FOXP1: variants seen among roughly 807,000 people sequenced by gnomAD.
FOXP1 encodes forkhead box P1, also known as forkhead box protein P1.
FOXP1 carries 15 observed loss-of-function variants against 98.2 expected under a neutral mutation model. That is an observed-to-expected ratio of 0.15 (90% CI 0.10 to 0.24). The LOEUF is 0.24. Among genes scored for constraint, FOXP1 ranks in the 10% least tolerant of loss-of-function variants. The pLI, the probability that FOXP1 is intolerant of heterozygous loss-of-function variation, is 1.00. For missense variants in FOXP1, 633 were observed against 848.5 expected (o/e 0.75, Z 3.15); for synonymous variants, 371 against 314.5 (o/e 1.18, Z -1.90).
At chr3:71,581,955 A>C in intron 1 of FOXP1, 2 of 942,620 alleles carry the variant, frequency 2.1e-6, no homozygotes, top group Non-Finnish European at 2.5e-6. Context: ...TGCAACAACA[A>C]AAAGGAGGGG....
intron 3 of FOXP1, among the ~76,000 whole-genome samples, chr3:71,392,537 T>A (rs1403387686): frequency 6.6e-6 from 1 of 152,236 alleles, no homozygotes; most frequent in African/African-American, 2.4e-5. Flanking sequence ...AATGCTAACT[T>A]GCATATTTCT....
intron 14 of FOXP1, among the ~76,000 whole-genome samples, chr3:70,984,303 G>C (rs887949547): frequency 1.3e-5 from 2 of 152,124 alleles, no homozygotes; most frequent in Non-Finnish European, 2.9e-5. Context: ...GGACCGATCT[G>C]GGCACCCACT....
intron 20 of FOXP1, among the ~76,000 whole-genome samples, chr3:70,961,046 G>A (rs751733823): frequency 1.5e-4 from 22 of 151,530 alleles, no homozygotes; most frequent in Non-Finnish European, 2.2e-4. Context: ...AGGTTTCACC[G>A]TGGTCTCGAT....
intron 13 of FOXP1, among the ~76,000 whole-genome samples, chr3:70,990,998 C>T (rs535647950): frequency 6.6e-6 from 1 of 151,698 alleles, no homozygotes; most frequent in Non-Finnish European, 1.5e-5. Flanking sequence ...AGGTCTTGCA[C>T]ATAACAAGCT....
chr3:71,223,618 C>T (rs956215127), intron 5 of FOXP1, among the ~76,000 whole-genome samples: 8 of 151,534 alleles, frequency 5.3e-5, no homozygotes, highest in Admixed American at 3.9e-4. Flanking sequence ...TGGCCTGAAC[C>T]CAGGAGACGG....
chr3:71,277,465 G>A (rs186040117), intron 5 of FOXP1, among the ~76,000 whole-genome samples: 5 of 151,856 alleles, frequency 3.3e-5, no homozygotes, highest in Admixed American at 3.3e-4. Context: ...TGCATCGCTG[G>A]ACAGTTTTAA....
At chr3:71,515,404 G>T (rs992097351) in intron 2 of FOXP1, among the ~76,000 whole-genome samples, 1 of 116,644 alleles carries the variant, frequency 8.6e-6, no homozygotes. Flanking sequence ...AATGGTATAC[G>T]CATTTCCCTT....
chr3:71,066,908 G>C (rs2052587073), intron 7 of FOXP1, among the ~76,000 whole-genome samples: 1 of 152,148 alleles, frequency 6.6e-6, no homozygotes, highest in South Asian at 2.1e-4. Context: ...CATTACAGAC[G>C]CTCATGACCC....
chr3:71,330,395 G>A (rs11712688), intron 4 of FOXP1, among the ~76,000 whole-genome samples: 59,383 of 151,968 alleles, frequency 0.39, 14,062 homozygotes, highest in East Asian at 0.89. Context: ...TAATTAAAGC[G>A]TCATGTCAGA....
chr3:71,434,785 CA>C (rs1185475616), intron 3 of FOXP1, among the ~76,000 whole-genome samples: 1 of 151,908 alleles, frequency 6.6e-6, no homozygotes, highest in African/African-American at 2.4e-5. Context: ...GGCCAAATGT[CA>C]ACAGTTATTA....
chr3:71,415,383 G>C (rs2083132540), intron 3 of FOXP1, among the ~76,000 whole-genome samples: 1 of 152,124 alleles, frequency 6.6e-6, no homozygotes, highest in Admixed American at 6.5e-5. Flanking sequence ...AACAAAATAT[G>C]TTTTAAGAAA....
At chr3:71,342,490 C>T (rs1296247777) in intron 4 of FOXP1, among the ~76,000 whole-genome samples, 2 of 152,026 alleles carry the variant, frequency 1.3e-5, no homozygotes, top group Non-Finnish European at 2.9e-5. Flanking sequence ...ATCAGGAGTT[C>T]GAGACCAGCC....
intron 6 of FOXP1, among the ~76,000 whole-genome samples, chr3:71,172,828 T>C (rs1296499264): frequency 6.6e-6 from 1 of 152,200 alleles, no homozygotes; most frequent in Non-Finnish European, 1.5e-5. Context: ...GCCCACTGAT[T>C]TGTGAGGTAC....
At chr3:70,989,494 T>C (rs1411911944) in intron 13 of FOXP1, among the ~76,000 whole-genome samples, 1 of 152,184 alleles carries the variant, frequency 6.6e-6, no homozygotes, top group East Asian at 1.9e-4. Context: ...TAAAAGATTC[T>C]CTGAACACAT....
At chr3:71,253,040 C>A (rs2068334505) in intron 5 of FOXP1, among the ~76,000 whole-genome samples, 2 of 152,204 alleles carry the variant, frequency 1.3e-5, no homozygotes, top group Admixed American at 6.5e-5. Context: ...AAGGGTGTCG[C>A]TTCATGGCTA....
Position 71,037,174 on chromosome 3 carries a change from T to A in FOXP1, c.869+4154A>T, listed in dbSNP as rs560811518. On this transcript the variant is annotated intron_variant, in intron 11 of 20. Transcript: ENST00000649528. ...CCATATGCAAAAGTCTAGCCAGTGC[T>A]TGGCACAGAGAAGGAACTGATTAAA... Among the ~76,000 whole-genome samples the A allele has an allele frequency of 2.0e-5, 3 of 152,326 alleles. No homozygotes were observed. In the East Asian group the frequency reaches 5.8e-4, roughly 29 times the overall value.
chr3:70,958,374 C>T lies in FOXP1; in HGVS notation c.*873G>A. 1 of 529,998 alleles carries T rather than the reference C, an allele frequency of 1.9e-6. No homozygotes were observed. 32.8% of individuals were successfully genotyped at this position (529,998 alleles called of 1,614,324 possible). On this transcript the variant is annotated 3_prime_UTR_variant, in exon 21 of 21. Coordinates refer to ENST00000649528, the MANE Select transcript of FOXP1 (RefSeq NM_001349338.3). ...CGTCACGTCTGTGTGAGAGGGCCTT[C>T]ATGTGTAGAGTGCAGCATTTGGGAC...
rs1324002054 is a variant in FOXP1 at position 70,955,504 on chromosome 3, T to C, written c.*3743A>G. 3 of 232,716 alleles carry C rather than the reference T, an allele frequency of 1.3e-5. No individual in the cohort carries two copies. Among genetic ancestry groups the C allele is most frequent in the Non-Finnish European group, 2.5e-5 (3 of 117,852 alleles). 14.4% of individuals were successfully genotyped at this position (232,716 alleles called of 1,614,324 possible). On this transcript the variant is annotated 3_prime_UTR_variant, in exon 21 of 21. Coordinates refer to ENST00000649528, the MANE Select transcript of FOXP1 (RefSeq NM_001349338.3). ...TGTCTGACACACGGGACTACCTCCC[T>C]AATGTATGCTTTTCTTTGAGAAAAA...
chr3:71,390,226 T>C (rs1159677567), intron 3 of FOXP1, among the ~76,000 whole-genome samples: 2 of 152,178 alleles, frequency 1.3e-5, no homozygotes, highest in African/African-American at 4.8e-5. Context: ...AGTCAGGACC[T>C]GCTGTAACTC....
Sources: gnomAD v4.1 joint callset for allele counts (sites outside exome capture counted in the v4.1 genomes callset) on GRCh38, gnomAD v4.1.1 for gene constraint, MANE v1.5 for transcripts, NCBI Gene and HGNC (gene_info 2026-07-23, HGNC 2026-07-21) for gene names.